The following GALNT9 variants were observed in gnomAD, a reference collection of about 807,000 sequenced individuals.
The protein encoded by GALNT9 is polypeptide N-acetylgalactosaminyltransferase 9.
In GALNT9, 47 loss-of-function variants were observed where a neutral mutation model predicts 63.1. That is an observed-to-expected ratio of 0.75 (90% CI 0.59 to 0.95). The LOEUF is 0.95. Among genes scored for constraint, GALNT9 ranks in the 40% least tolerant of loss-of-function variants. The pLI, the probability that GALNT9 is intolerant of heterozygous loss-of-function variation, is 0.00. For missense variants in GALNT9, 829 were observed against 874.8 expected, an observed-to-expected ratio of 0.95 and a Z score of 0.66; for synonymous variants, 396 against 365.7, an observed-to-expected ratio of 1.08 and a Z score of -0.94.
At chr12:132,243,930 C>T (rs116325743) in intron 6 of GALNT9, among the ~76,000 whole-genome samples, 2,800 of 152,156 alleles carry the variant, frequency 0.018, 74 homozygotes, top group African/African-American at 0.063. Flanking sequence ...CCGCCACACC[C>T]CACAAGAAAG....
intron 1 of GALNT9, among the ~76,000 whole-genome samples, chr12:132,303,405 A>AGAATCG (rs1566018992): frequency 1.5e-4 from 22 of 146,402 alleles, no homozygotes; most frequent in South Asian, 4.4e-4. Flanking sequence ...GCCCGGGCAC[A>AGAATCG]CCCTCACCCG....
At chr12:132,227,159 G>A (rs924540031) in intron 6 of GALNT9, among the ~76,000 whole-genome samples, 3 of 152,126 alleles carry the variant, frequency 2.0e-5, no homozygotes, top group African/African-American at 7.2e-5. Flanking sequence ...TAGAAATTCA[G>A]CCTGAGGAAA....
At chr12:132,209,644 A>G (rs1593065506) in intron 6 of GALNT9, among the ~76,000 whole-genome samples, 1 of 152,182 alleles carries the variant, frequency 6.6e-6, no homozygotes, top group East Asian at 1.9e-4. Flanking sequence ...GGCTCATTTT[A>G]TGCTCATTAT....
chr12:132,246,919 G>A lies in GALNT9; in HGVS notation c.1077+991C>T, dbSNP rs78072689. 4.6e-5 allele frequency among the ~76,000 whole-genome samples: 7 copies of A among 152,308 alleles called. No homozygotes were observed. The South Asian group carries it at 1.2e-3, about 27-fold the overall frequency. On this transcript the variant is annotated intron_variant, in intron 6 of 10. Transcript: ENST00000328957. This position sits in a 1 kb window ranked among gnomAD's most constrained non-coding sequence, Gnocchi z 4.7. Reference sequence around the variant, plus strand: ...TTTTATTGATTGAATTTGTGTCCACGATAGTACGATCTTTAAAGTGAACCG... The same window carrying A: ...TTTTATTGATTGAATTTGTGTCCACAATAGTACGATCTTTAAAGTGAACCG...
At chr12:132,292,627 G>T (rs1225439373) in intron 1 of GALNT9, among the ~76,000 whole-genome samples, 5 of 152,226 alleles carry the variant, frequency 3.3e-5, no homozygotes, top group Non-Finnish European at 5.9e-5. Context: ...CCTTGTCTTT[G>T]AAGGAAAGTC....
At chr12:132,321,637 G>A (rs1160587271) in intron 1 of GALNT9, among the ~76,000 whole-genome samples, 2 of 151,936 alleles carry the variant, frequency 1.3e-5, no homozygotes, top group East Asian at 1.9e-4. Flanking sequence ...ACCTGCCACC[G>A]ACACCCAGCA....
chr12:132,304,038 C>T (rs1593116090), intron 1 of GALNT9, among the ~76,000 whole-genome samples: 1 of 38,750 alleles, frequency 2.6e-5, no homozygotes, highest in African/African-American at 1.1e-4. Flanking sequence ...CACCCTCGCC[C>T]GGACACACCC....
intron 3 of GALNT9, among the ~76,000 whole-genome samples, chr12:132,262,025 G>A (rs1879407546): frequency 6.6e-6 from 1 of 152,206 alleles, no homozygotes; most frequent in Non-Finnish European, 1.5e-5. Context: ...ACTCTGGAGA[G>A]CTCAGCTCTA....
In GALNT9 at chr12:132,199,286, C is replaced by G. The variant is rs757548654; in HGVS notation, c.1402-17G>C. The G allele has an allele frequency of 1.9e-6, 3 of 1,576,124 alleles. No homozygotes were observed. The highest frequency in any genetic ancestry group is 2.6e-6 in the Non-Finnish European group (3 of 1,155,450). The stretch of plus-strand genomic sequence containing the variant: ...GTTTCTCACCTGCAAGCAGAAGCCC[C>G]AGGAGAAAGTCCAGAGTCACCCGAG... On this transcript the variant is annotated splice_polypyrimidine_tract_variant and intron_variant, in intron 8 of 10. Transcript: ENST00000328957.
intron 6 of GALNT9, among the ~76,000 whole-genome samples, chr12:132,230,140 C>T (rs1311360115): frequency 2.0e-5 from 3 of 152,122 alleles, no homozygotes; most frequent in African/African-American, 7.2e-5. Context: ...TCACATACCA[C>T]CAGGAAGCCC....
intron 1 of GALNT9, among the ~76,000 whole-genome samples, chr12:132,317,021 C>T (rs1442679111): frequency 1.5e-4 from 23 of 150,750 alleles, no homozygotes; most frequent in African/African-American, 4.9e-4. Flanking sequence ...CCCTACACCC[C>T]ACGGAGCATG....
At chr12:132,285,974 G>A (rs1485384219) in intron 2 of GALNT9, among the ~76,000 whole-genome samples, 1 of 152,140 alleles carries the variant, frequency 6.6e-6, no homozygotes, top group Non-Finnish European at 1.5e-5. Flanking sequence ...GCTCCTGACT[G>A]CTCCACTTTC....
In GALNT9 at chr12:132,282,624, C is replaced by G. The variant is rs1880407046; in HGVS notation, c.419+3626G>C. ...TAAGGTTGCTGCAGCTCCCCCAGCT[C>G]CCAGCCTTGGTTTCATCTTGTGGGA... is the stretch of plus-strand genomic sequence containing the variant. On this transcript the variant is annotated intron_variant, in intron 2 of 10. Coordinates refer to ENST00000328957, the MANE Select transcript of GALNT9 (RefSeq NM_001122636.2). This position sits in a 1 kb window ranked among gnomAD's most constrained non-coding sequence, Gnocchi z 4.5. Among the ~76,000 whole-genome samples the G allele has an allele frequency of 6.6e-6, 1 of 151,950 alleles. No individual in the cohort carries two copies. Among genetic ancestry groups the G allele is most frequent in the African/African-American group, 2.4e-5 (1 of 41,364 alleles).
intron 6 of GALNT9, among the ~76,000 whole-genome samples, chr12:132,223,035 CCACACACACAG>C: frequency 1.4e-5 from 1 of 71,160 alleles, no homozygotes; most frequent in Non-Finnish European, 2.6e-5. Flanking sequence ...AACCCGTACC[CCACACACACAG>C]ACACACCACA....
intron 6 of GALNT9, among the ~76,000 whole-genome samples, chr12:132,230,926 ACT>A (rs1380092929): frequency 6.6e-6 from 1 of 152,102 alleles, no homozygotes; most frequent in East Asian, 1.9e-4. Flanking sequence ...TGAGCCTCAC[ACT>A]CTTCTGGGCA....
chr12:132,219,019 G>A (rs142219458), intron 6 of GALNT9, among the ~76,000 whole-genome samples: 1,686 of 152,118 alleles, frequency 0.011, 16 homozygotes, highest in Non-Finnish European at 0.015. Context: ...GGGGCGCCCC[G>A]CATTTTGAGC....
At chr12:132,216,793 G>C (rs1877216193) in intron 6 of GALNT9, among the ~76,000 whole-genome samples, 1 of 152,236 alleles carries the variant, frequency 6.6e-6, no homozygotes, top group Non-Finnish European at 1.5e-5. Context: ...ACCGTTCTGA[G>C]CTCGAGGCTT....
At chr12:132,321,449 CCA>C (rs1555246133) in intron 1 of GALNT9, among the ~76,000 whole-genome samples, 1 of 152,176 alleles carries the variant, frequency 6.6e-6, no homozygotes, top group Admixed American at 6.5e-5. Context: ...AAACAGGCAC[CCA>C]CAGTGTCACA....
chr12:132,197,686 A>G, intron 10 of GALNT9, 106 bp downstream of exon 10: 1 of 856,288 alleles, frequency 1.2e-6, no homozygotes, highest in African/African-American at 1.7e-5. Flanking sequence ...CCCCTGCCGC[A>G]CTCCAGCTCC....
Sources: allele counts gnomAD v4.1 joint callset (sites outside exome capture counted in the v4.1 genomes callset), GRCh38; gene constraint gnomAD v4.1.1; non-coding constraint Gnocchi (gnomAD v3.1); transcripts MANE v1.5; gene names NCBI Gene and HGNC (gene_info 2026-07-23, HGNC 2026-07-21).